Variants in TFAP2E observed in about 807,000 individuals in gnomAD.
TFAP2E encodes the protein transcription factor AP-2-epsilon.
In TFAP2E, 30 loss-of-function variants were observed where a neutral mutation model predicts 37.9. The ratio of observed to expected loss-of-function variants is 0.79; its 90% CI spans 0.59 to 1.07. The LOEUF is 1.07. Ranked by LOEUF, TFAP2E falls within the 50% of genes least tolerant of loss-of-function variation. The pLI, the probability that TFAP2E is intolerant of heterozygous loss-of-function variation, is 0.00. For synonymous variants in TFAP2E, 318 were observed against 295.8 expected (o/e 1.08, Z -0.77); for missense variants, 567 against 637.9 (o/e 0.89, Z 1.20).
intron 3 of TFAP2E, among the ~76,000 whole-genome samples, chr1:35,575,236 AGCCTGGCCTCTCCCCGCCGAGGG>A (rs1021288572): frequency 6.6e-6 from 1 of 152,098 alleles, no homozygotes; most frequent in African/African-American, 2.4e-5. Context: ...CAGCACTGGG[AGCCTGGCCTCTCCCCGCCGAGGG>A]GGAGGGCACT....
chr1:35,592,587 T>G (rs1235840842), intron 6 of TFAP2E, among the ~76,000 whole-genome samples: 1 of 152,102 alleles, frequency 6.6e-6, no homozygotes, highest in Non-Finnish European at 1.5e-5. Flanking sequence ...TAGTAAAGGT[T>G]TCACCATGTT....
intron 3 of TFAP2E, among the ~76,000 whole-genome samples, chr1:35,585,366 T>C (rs1649455595): frequency 6.6e-6 from 1 of 152,208 alleles, no homozygotes; most frequent in South Asian, 2.1e-4. Flanking sequence ...GCTTTGTGTC[T>C]TGCTTGGCGG....
At position 35,588,590 on chromosome 1, in the gene TFAP2E, T is replaced by A. The variant is rs1649559459; in HGVS notation, c.785+38T>A. 6.5e-7 allele frequency: 1 copy of A among 1,528,242 alleles called. No individual in the cohort carries two copies. The allele number at this position is 1,528,242 out of a possible 1,614,324, so 94.7% of individuals were successfully genotyped here. On this transcript the variant is annotated intron_variant, in intron 4 of 6. Coordinates refer to ENST00000373235, the MANE Select transcript of TFAP2E (RefSeq NM_178548.4). This position sits in a 1 kb window ranked among gnomAD's most constrained non-coding sequence, Gnocchi z 5.1. ...GCCCACAATTCCCCGCCTGATTGGA[T>A]CCCTGGCCTCTTCAGGCCTTCTCAA...
At chr1:35,584,191 T>C (rs562526735) in intron 3 of TFAP2E, among the ~76,000 whole-genome samples, 16 of 152,192 alleles carry the variant, frequency 1.1e-4, no homozygotes, top group Non-Finnish European at 2.4e-4. Context: ...AGCCTCAAAC[T>C]GGGCTCAGTC....
In TFAP2E at chr1:35,574,267, C is replaced by G. The variant is rs1355555781; in HGVS notation, c.368C>G (p.Ala123Gly). 2 of 1,380,944 alleles carry G rather than the reference C, an allele frequency of 1.4e-6. No homozygotes were observed. Among genetic ancestry groups the G allele is most frequent in the Non-Finnish European group, 1.9e-6 (2 of 1,065,014 alleles). The allele number at this position is 1,380,944 out of a possible 1,614,324, so 85.5% of individuals were successfully genotyped here. Residue 123 changes from alanine to glycine, a missense_variant, in exon 2 of 7, where the codon GCC (alanine) becomes GGC (glycine). Around this residue, in one of 3 missense-constraint regions of TFAP2E, gnomAD observed 312 missense variants for 317.4 expected, o/e 0.98. Coordinates refer to ENST00000373235, the MANE Select transcript of TFAP2E (RefSeq NM_178548.4). ...PPGLLAPPAR[A>G]LGLDPRRDYA... Reference sequence around the variant, plus strand: ...GGCCTGCTGGCACCGCCCGCCCGCGCCCTGGGCCTTGACCCGCGCCGTGAC... The same window carrying G: ...GGCCTGCTGGCACCGCCCGCCCGCGGCCTGGGCCTTGACCCGCGCCGTGAC...
intron 3 of TFAP2E, among the ~76,000 whole-genome samples, chr1:35,587,687 T>A (rs1048447947): frequency 6.6e-6 from 1 of 150,384 alleles, no homozygotes; most frequent in African/African-American, 2.5e-5. Context: ...ACTTCTCAGA[T>A]TCCTTCTCTG....
Position 35,574,119 on chromosome 1 carries a change from G to T in TFAP2E, c.220G>T (p.Ala74Ser). The T allele has an allele frequency of 8.2e-6, 12 of 1,457,454 alleles. No homozygotes were observed. Among genetic ancestry groups the T allele is most frequent in the Non-Finnish European group, 1.1e-5 (12 of 1,106,760 alleles). 90.3% of individuals were successfully genotyped at this position (1,457,454 alleles called of 1,614,324 possible). Residue 74 changes from alanine (A) to serine (S), a missense_variant, in exon 2 of 7, where the codon GCA (alanine) becomes TCA (serine). Ala to Ser is a moderately conservative substitution (Grantham distance 99). Coordinates refer to ENST00000373235, the MANE Select transcript of TFAP2E (RefSeq NM_178548.4). ...CTACGGTCAGGCGCCCGACGCCGCCGCAGCCTTTCCCCACCTGGCAGGGGA... is the reference window on the plus strand; with the variant it reads ...CTACGGTCAGGCGCCCGACGCCGCCTCAGCCTTTCCCCACCTGGCAGGGGA... Reference protein sequence around the residue: ...LPYGQAPDAAAAFPHLAGDPY... With the variant: ...LPYGQAPDAASAFPHLAGDPY...
rs1649097578 is a variant in TFAP2E at position 35,574,204 on chromosome 1, C to T, written c.305C>T (p.Ala102Val). The part of the protein sequence containing the change: ...QPQPPQAAWA[A>V]PRAAARAHEE... ...CAGCCTCCTCAGGCCGCCTGGGCCG[C>T]GCCCCGCGCAGCCGCCCGCGCCCAC... The change falls in exon 2 of 7, where the codon GCG (alanine) becomes GTG (valine). Residue 102 changes from alanine (A) to valine (V), a missense_variant. Ala to Val is a moderately conservative substitution (Grantham distance 64). Transcript: ENST00000373235. The T allele has an allele frequency of 3.2e-6, 4 of 1,263,410 alleles. No individual in the cohort carries two copies. Among genetic ancestry groups the T allele is most frequent in the Non-Finnish European group, 4.0e-6 (4 of 1,003,506 alleles). 78.3% of individuals were successfully genotyped at this position (1,263,410 alleles called of 1,614,324 possible).
Position 35,594,744 on chromosome 1 carries a change from G to T in TFAP2E, c.*68G>T. ...AATAGGGACTTAGCTCTTGGGGGTGGGCCTGGAAGGACTGAAAGGTGGGAT... is the reference window on the plus strand; with the variant it reads ...AATAGGGACTTAGCTCTTGGGGGTGTGCCTGGAAGGACTGAAAGGTGGGAT... On this transcript the variant is annotated 3_prime_UTR_variant, in exon 7 of 7. Coordinates refer to ENST00000373235, the MANE Select transcript of TFAP2E (RefSeq NM_178548.4). 1 of 1,596,804 alleles carries T rather than the reference G, an allele frequency of 6.3e-7. No homozygotes were observed.
chr1:35,588,682 G>A lies in TFAP2E; in HGVS notation c.785+130G>A, dbSNP rs548945814. On this transcript the variant is annotated intron_variant, in intron 4 of 6. Coordinates refer to ENST00000373235, the MANE Select transcript of TFAP2E (RefSeq NM_178548.4). The surrounding 1 kb of genome is among the most constrained non-coding windows in gnomAD (Gnocchi z 5.1). ...CAGTCTCCCTGGGAGGGGAGGCCCC[G>A]GGGACTCTGGATTGTGCATGTTGTG... The A allele has an allele frequency of 1.7e-4, 162 of 970,424 alleles. No individual in the cohort carries two copies. Among genetic ancestry groups the A allele is most frequent in the East Asian group, 3.7e-4 (14 of 37,450 alleles). The allele number at this position is 970,424 out of a possible 1,614,324, so 60.1% of individuals were successfully genotyped here. A position where few individuals can be genotyped will look rare whatever the true frequency, so the allele number is the denominator to read the frequency against.
At chr1:35,584,802 G>A (rs1051321060) in intron 3 of TFAP2E, among the ~76,000 whole-genome samples, 1 of 152,180 alleles carries the variant, frequency 6.6e-6, no homozygotes, top group East Asian at 1.9e-4. Flanking sequence ...CCAAAGTGCT[G>A]GGATTACAGG....
rs576901474 is a variant in TFAP2E, at chr1:35,574,634, G to A, written c.510+225G>A. 17 of 762,818 alleles carry A rather than the reference G, an allele frequency of 2.2e-5. No individual in the cohort carries two copies. The African/African-American group carries it at 2.5e-4, about 11-fold the overall frequency. 47.3% of individuals were successfully genotyped at this position (762,818 alleles called of 1,614,324 possible). A position where few individuals can be genotyped will look rare whatever the true frequency, so the allele number is the denominator to read the frequency against. On this transcript the variant is annotated intron_variant, in intron 2 of 6. Coordinates refer to ENST00000373235, the MANE Select transcript of TFAP2E (RefSeq NM_178548.4). ...CAGTGCGTGGGTGGCAGCAACCCTC[G>A]GCAGGGACCGAATCACTTCTTTTCT...
intron 3 of TFAP2E, among the ~76,000 whole-genome samples, chr1:35,587,422 G>A (rs1331352030): frequency 2.0e-5 from 3 of 152,062 alleles, no homozygotes; most frequent in African/African-American, 7.2e-5. Context: ...GGTGGATCAT[G>A]AGGTCAGGAG....
chr1:35,585,988 G>T (rs1438194735), intron 3 of TFAP2E, among the ~76,000 whole-genome samples: 1 of 152,146 alleles, frequency 6.6e-6, no homozygotes, highest in Non-Finnish European at 1.5e-5. Flanking sequence ...GGTGGTGGTT[G>T]CAGTGAGCTG....
In TFAP2E at chr1:35,590,876, C is replaced by G. The variant is rs566744342; in HGVS notation, c.1046+101C>G. 23 of 1,257,398 alleles carry G rather than the reference C, an allele frequency of 1.8e-5. No homozygotes were observed. The East Asian group carries it at 5.7e-4, about 31-fold the overall frequency. The allele number at this position is 1,257,398 out of a possible 1,614,324, so 77.9% of individuals were successfully genotyped here. On this transcript the variant is annotated intron_variant, in intron 6 of 6. Coordinates refer to ENST00000373235, the MANE Select transcript of TFAP2E (RefSeq NM_178548.4). The surrounding 1 kb of genome is among the most constrained non-coding windows in gnomAD (Gnocchi z 6.2). ...CCACTGTGTACATGAGCAGTGGGCA[C>G]ACATGCGTATTTGCGCACCACTGTG... is the stretch of plus-strand genomic sequence containing the variant.
chr1:35,584,137 T>A (rs1649420974), intron 3 of TFAP2E, among the ~76,000 whole-genome samples: 1 of 152,236 alleles, frequency 6.6e-6, no homozygotes, highest in African/African-American at 2.4e-5. Context: ...AGTTTCGCTC[T>A]GTCGTCCAGG....
intron 3 of TFAP2E, among the ~76,000 whole-genome samples, chr1:35,576,630 C>T (rs1236888662): frequency 6.6e-6 from 1 of 152,142 alleles, no homozygotes; most frequent in Admixed American, 6.5e-5. Context: ...CTCTGCCCTG[C>T]GCAAGGGTAG....
rs750751934 is a variant in TFAP2E at position 35,573,988 on chromosome 1, C to A, written c.89C>A (p.Ala30Glu). 9 of 1,483,066 alleles carry A rather than the reference C, an allele frequency of 6.1e-6. No individual in the cohort carries two copies. In the South Asian group the frequency reaches 1.0e-4, roughly 17 times the overall value. 91.9% of individuals were successfully genotyped at this position (1,483,066 alleles called of 1,614,324 possible). Reference sequence around the variant, plus strand: ...GCCCGCCTGTCGTCTCTGCCCCAGGCGGCCTACGGGCCGGCGCCCCCGCTC... The same window carrying A: ...GCCCGCCTGTCGTCTCTGCCCCAGGAGGCCTACGGGCCGGCGCCCCCGCTC... ...GGARLSSLPQ[A>E]AYGPAPPLCH... is the part of the protein sequence containing the mutation. Residue 30 changes from alanine to glutamate, a missense_variant, in exon 2 of 7, where the codon GCG (alanine) becomes GAG (glutamate). This residue lies in a region of TFAP2E where 312 missense variants were observed against 317.4 expected (regional missense o/e 0.98). Coordinates refer to ENST00000373235, the MANE Select transcript of TFAP2E (RefSeq NM_178548.4). This position sits in a 1 kb window ranked among gnomAD's most constrained non-coding sequence, Gnocchi z 5.9.
intron 2 of TFAP2E, 103 bp from the exon 3 acceptor site, chr1:35,574,846 C>T (rs1649122719): frequency 6.6e-7 from 1 of 1,515,532 alleles, no homozygotes; most frequent in African/African-American, 1.4e-5. Flanking sequence ...GAAGCTGGTG[C>T]GCCTTGGGCG....
Sources: gnomAD v4.1 joint callset for allele counts (sites outside exome capture counted in the v4.1 genomes callset) on GRCh38, gnomAD v4.1.1 for gene constraint, gnomAD v4.1.1 regional missense constraint, Gnocchi (gnomAD v3.1) non-coding constraint, MANE v1.5 for transcripts, NCBI Gene and HGNC (gene_info 2026-07-23, HGNC 2026-07-21) for gene names.